The following KMT2D variants were observed in gnomAD, a reference collection of about 807,000 sequenced individuals.
KMT2D encodes the protein lysine methyltransferase 2D.
A neutral mutation model predicts 512.7 loss-of-function variants in KMT2D; 55 were observed. The ratio of observed to expected loss-of-function variants is 0.11; its 90% confidence interval spans 0.09 to 0.13. KMT2D has a LOEUF of 0.13. Among genes scored for constraint, KMT2D ranks in the 10% least tolerant of loss-of-function variants. The pLI, the probability that KMT2D is intolerant of heterozygous loss-of-function variation, is 1.00. For synonymous variants in KMT2D, 2,995 were observed against 2,904.0 expected, an observed-to-expected ratio of 1.03 and a Z score of -1.01; for missense variants, 6,061 against 7,127.9, an observed-to-expected ratio of 0.85 and a Z score of 5.39.
chr12:49,039,435 C>A lies in KMT2D; in HGVS notation c.8229G>T (p.Gln2743His). Reference sequence around the variant, plus strand: ...CACTATCCCTTGCCACTCTACCTACCTGTGTCCCAGCAAAGGGGGTCTGGC... The same window carrying A: ...CACTATCCCTTGCCACTCTACCTACATGTGTCCCAGCAAAGGGGGTCTGGC... ...SRGQTPFAGT[Q>H]DKSSLVGLPP... The change falls in exon 33 of 55, where the codon CAG becomes CAT. Residue 2743 changes from glutamine to histidine, a missense_variant and splice_region_variant. By Grantham distance (24) the Gln-to-His change is conservative (BLOSUM62 0). Coordinates refer to ENST00000301067, the MANE Select transcript of KMT2D (RefSeq NM_003482.4). This position sits in a 1 kb window ranked among gnomAD's most constrained non-coding sequence, Gnocchi z 5.0. 1 of 1,599,984 alleles carries A rather than the reference C, an allele frequency of 6.3e-7. No individual in the cohort carries two copies. The highest frequency in any genetic ancestry group is 1.1e-5 in the South Asian group (1 of 89,452).
chr12:49,040,401 G>T lies in KMT2D; in HGVS notation c.7369C>A (p.Pro2457Thr), dbSNP rs2120528486. Residue 2457 changes from proline (P) to threonine (T), a missense_variant, in exon 32 of 55, where the codon CCT becomes ACT. Pro to Thr is a conservative substitution (Grantham distance 38). Coordinates refer to ENST00000301067, the MANE Select transcript of KMT2D (RefSeq NM_003482.4). Reference protein sequence around the residue: ...PDPYSRPPSRPQSRDPFAPLH... With the variant: ...PDPYSRPPSRTQSRDPFAPLH... Reference sequence around the variant, plus strand: ...GGGGCAAATGGGTCACGGGACTGAGGGCGTGAGGGTGGGCGAGAATAAGGG... The same window carrying T: ...GGGGCAAATGGGTCACGGGACTGAGTGCGTGAGGGTGGGCGAGAATAAGGG... 1.9e-6 allele frequency: 3 copies of T among 1,564,156 alleles called. No individual in the cohort carries two copies. The highest frequency in any genetic ancestry group is 2.6e-6 in the Non-Finnish European group (3 of 1,154,186).
rs778257510 is a variant in KMT2D at position 49,038,060 on chromosome 12, C to A, written c.9296G>T (p.Arg3099Leu). The A allele has an allele frequency of 1.2e-6, 2 of 1,612,564 alleles. No homozygotes were observed. Among genetic ancestry groups the A allele is most frequent in the South Asian group, 2.2e-5 (2 of 90,904 alleles). The change falls in exon 35 of 55, where the codon CGC (arginine) becomes CTC (leucine). Residue 3099 changes from arginine to leucine, a missense_variant. This residue lies in a region of KMT2D where 533 missense variants were observed against 539.6 expected (regional missense o/e 0.99). Coordinates refer to ENST00000301067, the MANE Select transcript of KMT2D (RefSeq NM_003482.4). The surrounding 1 kb of genome is among the most constrained non-coding windows in gnomAD (Gnocchi z 5.7). ...AGAGGCATCAGCAGCAGGGGGAGGG[C>A]GCTCCTCAGGGCCCAAGGGTCCTGG... ...VEPGPLGPEE[R>L]PPPAADASEP...
intron 10 of KMT2D, 52 bp downstream of exon 10, chr12:49,052,512 T>C: frequency 1.3e-6 from 2 of 1,596,718 alleles, no homozygotes; most frequent in South Asian, 2.2e-5. Flanking sequence ...AAACTGTCTC[T>C]TGCCATAGAA....
Position 49,059,722 on chromosome 12 carries a change from GC to G in KMT2D, c.-148del, listed in dbSNP as rs1938624086. ...TCACAGCCGCCCCCCGCACGGGGGG[GC>G]TTAGGGGGGCCAAGAACGGTAAATC... On this transcript the variant is annotated 5_prime_UTR_variant, in exon 1 of 55. Coordinates refer to ENST00000301067, the MANE Select transcript of KMT2D (RefSeq NM_003482.4). 1 of 151,734 alleles carries G rather than the reference GC, an allele frequency of 6.6e-6. No individual in the cohort carries two copies. The highest frequency in any genetic ancestry group is 2.1e-4 in the South Asian group (1 of 4,816). The allele number at this position is 151,734 out of a possible 1,614,324, so 9.4% of individuals were successfully genotyped here. A position where few individuals can be genotyped will look rare whatever the true frequency, so the allele number is the denominator to read the frequency against.
intron 14 of KMT2D, 93 bp downstream of exon 14, chr12:49,048,566 G>A: frequency 1.3e-6 from 1 of 745,762 alleles, no homozygotes; most frequent in South Asian, 1.6e-5. Context: ...CATTAGCTGG[G>A]TATCCCCAAA....
intron 8 of KMT2D, 25 bp downstream of exon 8, chr12:49,053,182 T>C (rs752517205): frequency 3.0e-5 from 48 of 1,610,512 alleles, no homozygotes; most frequent in East Asian, 2.7e-4. Context: ...TTAGGGACAA[T>C]AGGGCAGAAT....
rs1943496470 is a variant in KMT2D, at chr12:49,041,057, G to A, written c.6713C>T (p.Pro2238Leu). 10 of 1,544,112 alleles carry A rather than the reference G, an allele frequency of 6.5e-6. No homozygotes were observed. Among genetic ancestry groups the A allele is most frequent in the Admixed American group, 4.0e-5 (2 of 49,728 alleles). The change falls in exon 32 of 55, where the codon CCC (proline) becomes CTC (leucine). Residue 2238 changes from proline to leucine, a missense_variant. By Grantham distance (98) the Pro-to-Leu change is moderately conservative. Transcript: ENST00000301067. This position sits in a 1 kb window ranked among gnomAD's most constrained non-coding sequence, Gnocchi z 5.4. ...TTTGAGGAATGGGTCAGGTGTGGAG[G>A]GCTGGTGTCTGGGGGTGCCAGGTGG... ...TTPPGTPRHQPSTPDPFLKPR... is the reference protein window; with the variant it reads ...TTPPGTPRHQLSTPDPFLKPR...
Position 49,019,870 on chromosome 12 carries a change from A to T in KMT2D, c.*1910T>A. The stretch of plus-strand genomic sequence containing the variant: ...TCAAAACAAAACAAAAACAAACCTA[A>T]AATCACAACAGCGACCAAGCTCCCC... On this transcript the variant is annotated 3_prime_UTR_variant, in exon 55 of 55. Coordinates refer to ENST00000301067, the MANE Select transcript of KMT2D (RefSeq NM_003482.4). 4.7e-6 allele frequency: 1 copy of T among 211,350 alleles called. No homozygotes were observed. Among genetic ancestry groups the T allele is most frequent in the Non-Finnish European group, 9.6e-6 (1 of 104,466 alleles). 13.1% of individuals were successfully genotyped at this position (211,350 alleles called of 1,614,324 possible).
rs1943326912 is a variant in KMT2D at position 49,038,420 on chromosome 12, A to G, written c.8936T>C (p.Leu2979Pro). The G allele has an allele frequency of 6.2e-7, 1 of 1,613,500 alleles. No homozygotes were observed. The highest frequency in any genetic ancestry group is 1.3e-5 in the African/African-American group (1 of 74,912). The change falls in exon 35 of 55, where the codon CTG becomes CCG. Residue 2979 changes from leucine (L) to proline (P), a missense_variant. Physicochemically the swap from Leu to Pro is moderately conservative, Grantham distance 98. Coordinates refer to ENST00000301067, the MANE Select transcript of KMT2D (RefSeq NM_003482.4). This position sits in a 1 kb window ranked among gnomAD's most constrained non-coding sequence, Gnocchi z 5.7. ...SSTELGRPNP[L>P]ALEAGKLPCE... ...GGGCAACTTCCCAGCTTCCAGGGCC[A>G]GAGGATTGGGGCGGCCAAGCTCAGT...
At position 49,038,370 on chromosome 12, in the gene KMT2D, C is replaced by T. The variant is rs756641752; in HGVS notation, c.8986G>A (p.Asp2996Asn). The T allele has an allele frequency of 6.2e-6, 10 of 1,613,884 alleles. No homozygotes were observed. The highest frequency in any genetic ancestry group is 7.6e-6 in the Non-Finnish European group (9 of 1,179,882). ...LPCEDPELDDDFDAHKALEDD... is the reference protein window; with the variant it reads ...LPCEDPELDDNFDAHKALEDD... ...TCTAGGGCCTTGTGGGCATCAAAAT[C>T]GTCATCCAGCTCGGGATCCTCACAG... The change falls in exon 35 of 55, where the codon GAT becomes AAT. Residue 2996 changes from aspartate (D) to asparagine (N), a missense_variant. Physicochemically the swap from Asp to Asn is conservative, Grantham distance 23. Coordinates refer to ENST00000301067, the MANE Select transcript of KMT2D (RefSeq NM_003482.4). This position sits in a 1 kb window ranked among gnomAD's most constrained non-coding sequence, Gnocchi z 5.7.
At chr12:49,053,181 A>G (rs765026517) in intron 8 of KMT2D, 26 bp downstream of exon 8, 4 of 1,610,738 alleles carry the variant, frequency 2.5e-6, no homozygotes, top group Non-Finnish European at 3.4e-6. Context: ...GTTAGGGACA[A>G]TAGGGCAGAA....
At position 49,026,971 on chromosome 12, in the gene KMT2D, C is replaced by T. The variant is rs2120365474; in HGVS notation, c.14995G>A (p.Gly4999Ser). 1 of 1,614,030 alleles carries T rather than the reference C, an allele frequency of 6.2e-7. No homozygotes were observed. Among genetic ancestry groups the T allele is most frequent in the Non-Finnish European group, 8.5e-7 (1 of 1,179,902 alleles). Residue 4999 changes from glycine (G) to serine (S), a missense_variant, in exon 49 of 55, where the codon GGC becomes AGC. Gly to Ser is a moderately conservative substitution (Grantham distance 56). Coordinates refer to ENST00000301067, the MANE Select transcript of KMT2D (RefSeq NM_003482.4). The surrounding 1 kb of genome is among the most constrained non-coding windows in gnomAD (Gnocchi z 9.6). Reference sequence around the variant, plus strand: ...CGCTCATCCTCCTGCCGCCCACTGCCCTTCTGGATGGTCAGCAGCAGCCGA... The same window carrying T: ...CGCTCATCCTCCTGCCGCCCACTGCTCTTCTGGATGGTCAGCAGCAGCCGA... The part of the protein sequence containing the change: ...RLRLLLTIQK[G>S]SGRQEDEREV...
In KMT2D at chr12:49,048,670, C is replaced by A; in HGVS notation, c.4120G>T (p.Val1374Phe). The change falls in exon 14 of 55, where the codon GTC becomes TTC. Residue 1374 changes from valine to phenylalanine, a missense_variant. Val to Phe is a conservative substitution (Grantham distance 50). Coordinates refer to ENST00000301067, the MANE Select transcript of KMT2D (RefSeq NM_003482.4). ...TCACTGTATGGTACCTGCATTAGGA[C>A]AAATTTGTCTGTGTTGGAGAAGAGA... ...VVLFSNTDKF[V>F]LMQDMCVVCG... 1 of 1,610,326 alleles carries A rather than the reference C, an allele frequency of 6.2e-7. No individual in the cohort carries two copies. Among genetic ancestry groups the A allele is most frequent in the Non-Finnish European group, 8.5e-7 (1 of 1,176,536 alleles).
At position 49,050,554 on chromosome 12, in the gene KMT2D, C is replaced by A. The variant is rs771626913; in HGVS notation, c.3034G>T (p.Ala1012Ser). The change falls in exon 12 of 55, where the codon GCT (alanine) becomes TCT (serine). Residue 1012 changes from alanine to serine, a missense_variant. Ala to Ser is a moderately conservative substitution (Grantham distance 99). This residue lies in a region of KMT2D where 447 missense variants were observed against 500.1 expected (regional missense o/e 0.89). Transcript: ENST00000301067. ...PPSPGSPVGP[A>S]SPILMEPLPP... ...AGGGGCTCCATCAGGATGGGAGAAGCCGGCCCCACTGGGGAGCCTGGAGAT... is the reference window on the plus strand; with the variant it reads ...AGGGGCTCCATCAGGATGGGAGAAGACGGCCCCACTGGGGAGCCTGGAGAT... 6.2e-7 allele frequency: 1 copy of A among 1,604,052 alleles called. No homozygotes were observed. Among genetic ancestry groups the A allele is most frequent in the Non-Finnish European group, 8.5e-7 (1 of 1,173,102 alleles).
chr12:49,038,156 T>C lies in KMT2D; in HGVS notation c.9200A>G (p.Asn3067Ser), dbSNP rs765308296. The C allele has an allele frequency of 2.5e-5, 41 of 1,613,842 alleles. No homozygotes were observed. Among genetic ancestry groups the C allele is most frequent in the Non-Finnish European group, 3.2e-5 (38 of 1,179,904 alleles). Reference protein sequence around the residue: ...LDTGDKKDIFNEHLRLVESAN... With the variant: ...LDTGDKKDIFSEHLRLVESAN... ...CGATTCTACCAGCCTCAGGTGCTCATTGAAGATATCCTTCTTGTCCCCAGT... is the reference window on the plus strand; with the variant it reads ...CGATTCTACCAGCCTCAGGTGCTCACTGAAGATATCCTTCTTGTCCCCAGT... The change falls in exon 35 of 55, where the codon AAT becomes AGT. Residue 3067 changes from asparagine (N) to serine (S), a missense_variant. By Grantham distance (46) the Asn-to-Ser change is conservative (BLOSUM62 1). This residue lies in a region of KMT2D where 21 missense variants were observed against 74.3 expected (regional missense o/e 0.28). Coordinates refer to ENST00000301067, the MANE Select transcript of KMT2D (RefSeq NM_003482.4). This position sits in a 1 kb window ranked among gnomAD's most constrained non-coding sequence, Gnocchi z 5.7.
intron 1 of KMT2D, among the ~76,000 whole-genome samples, chr12:49,058,077 C>T (rs1938517388): frequency 6.6e-6 from 1 of 152,182 alleles, no homozygotes; most frequent in South Asian, 2.1e-4. Flanking sequence ...AACAGCTCTT[C>T]AGGAGGACTC....
At chr12:49,049,291 A>AT in intron 12 of KMT2D, 73 bp from the exon 13 acceptor site, 1 of 959,014 alleles carries the variant, frequency 1.0e-6, no homozygotes, top group Non-Finnish European at 1.6e-6. Context: ...CTTGAACAGA[A>AT]GAAGTGACAA....
At chr12:49,043,562 T>C (rs2120570147) in intron 24 of KMT2D, 73 bp downstream of exon 24, 2 of 1,600,734 alleles carry the variant, frequency 1.2e-6, no homozygotes, top group Non-Finnish European at 1.7e-6. Flanking sequence ...CCATTTCCCA[T>C]CAAATAACTT....
chr12:49,021,627 C>T lies in KMT2D; in HGVS notation c.*153G>A. On this transcript the variant is annotated 3_prime_UTR_variant, in exon 55 of 55. Coordinates refer to ENST00000301067, the MANE Select transcript of KMT2D (RefSeq NM_003482.4). Reference sequence around the variant, plus strand: ...CCCAGGGTGGGCTTGGCCTAGGGCCCTCTGCCCCAGCCTCCTGCTCCAGGG... The same window carrying T: ...CCCAGGGTGGGCTTGGCCTAGGGCCTTCTGCCCCAGCCTCCTGCTCCAGGG... 1.5e-6 allele frequency: 1 copy of T among 651,544 alleles called. No homozygotes were observed. The highest frequency in any genetic ancestry group is 2.7e-5 in the East Asian group (1 of 36,590). The allele number at this position is 651,544 out of a possible 1,614,324, so 40.4% of individuals were successfully genotyped here. A position where few individuals can be genotyped will look rare whatever the true frequency, so the allele number is the denominator to read the frequency against.
Sources: allele counts gnomAD v4.1 joint callset (sites outside exome capture counted in the v4.1 genomes callset), GRCh38; gene constraint gnomAD v4.1.1; regional missense constraint gnomAD v4.1.1; non-coding constraint Gnocchi (gnomAD v3.1); transcripts MANE v1.5; gene names NCBI Gene and HGNC (gene_info 2026-07-23, HGNC 2026-07-21).